SLIT1: variants seen among roughly 807,000 people sequenced by gnomAD.
SLIT1 encodes slit guidance ligand 1.
In SLIT1, 66 loss-of-function variants were observed where a neutral mutation model predicts 186.1. The observed-to-expected ratio is 0.35, with a 90% confidence interval of 0.29 to 0.44. SLIT1 has a LOEUF of 0.44. Ranked by LOEUF, SLIT1 falls within the 20% of genes least tolerant of loss-of-function variation. The pLI is 1.00. For missense variants in SLIT1, 1,638 were observed against 2,037.4 expected (o/e 0.80, Z 3.77); for synonymous variants, 761 against 833.8 (o/e 0.91, Z 1.50).
At chr10:97,149,885 C>T (rs1475633831) in intron 4 of SLIT1, among the ~76,000 whole-genome samples, 2 of 152,208 alleles carry the variant, frequency 1.3e-5, no homozygotes, top group Non-Finnish European at 2.9e-5. Context: ...ACGCAACATT[C>T]CACATCTGCC....
At chr10:97,137,646 A>G (rs957397525) in intron 4 of SLIT1, among the ~76,000 whole-genome samples, 6 of 151,392 alleles carry the variant, frequency 4.0e-5, no homozygotes, top group African/African-American at 1.5e-4. Context: ...GTTCAGGGAC[A>G]TAATCTCGGC....
At chr10:97,036,500 A>G (rs1319731643) in intron 22 of SLIT1, among the ~76,000 whole-genome samples, 1 of 152,246 alleles carries the variant, frequency 6.6e-6, no homozygotes, top group Non-Finnish European at 1.5e-5. Context: ...ACCAACCCAC[A>G]ATAAGAAACT....
chr10:97,138,712 C>A (rs2134700946), intron 4 of SLIT1, among the ~76,000 whole-genome samples: 1 of 152,072 alleles, frequency 6.6e-6, no homozygotes, highest in South Asian at 2.1e-4. Flanking sequence ...GTGTGGTGAC[C>A]AAATTTGAAT....
intron 4 of SLIT1, among the ~76,000 whole-genome samples, chr10:97,099,051 C>A (rs1258318219): frequency 6.6e-6 from 1 of 152,050 alleles, no homozygotes; most frequent in Non-Finnish European, 1.5e-5. Flanking sequence ...ACTTGCCCAG[C>A]CAAGCACCTG....
intron 4 of SLIT1, among the ~76,000 whole-genome samples, chr10:97,129,287 A>C (rs1849631768): frequency 6.6e-6 from 1 of 151,818 alleles, no homozygotes; most frequent in Non-Finnish European, 1.5e-5. Context: ...CTGTAATCCC[A>C]GCTACTTGGG....
chr10:97,124,528 G>A (rs1023437179), intron 4 of SLIT1, among the ~76,000 whole-genome samples: 2 of 152,208 alleles, frequency 1.3e-5, no homozygotes, highest in African/African-American at 4.8e-5. Flanking sequence ...TAACCACCTA[G>A]GAGCAAATGT....
At chr10:97,067,819 C>A (rs1270667797) in intron 4 of SLIT1, among the ~76,000 whole-genome samples, 2 of 152,208 alleles carry the variant, frequency 1.3e-5, no homozygotes, top group Admixed American at 6.5e-5. Flanking sequence ...CCCACCTCCT[C>A]CTCCTGGGCC....
intron 13 of SLIT1, among the ~76,000 whole-genome samples, chr10:97,055,223 C>CA (rs754220083): frequency 4.6e-5 from 7 of 151,946 alleles, no homozygotes; most frequent in Non-Finnish European, 8.8e-5. Flanking sequence ...GCTCAAAAAA[C>CA]AAAAAACAAT....
chr10:97,098,592 G>A (rs1849316132), intron 4 of SLIT1, among the ~76,000 whole-genome samples: 1 of 152,210 alleles, frequency 6.6e-6, no homozygotes, highest in Non-Finnish European at 1.5e-5. Context: ...TGCCTGGGCT[G>A]GGCAGGTGCC....
chr10:97,014,820 C>T (rs1848440707), intron 28 of SLIT1, among the ~76,000 whole-genome samples: 1 of 151,082 alleles, frequency 6.6e-6, no homozygotes, highest in Admixed American at 6.6e-5. Context: ...TAGCCAAGAT[C>T]ATGCCACTGC....
intron 21 of SLIT1, 58 bp from the exon 22 acceptor site, chr10:97,037,824 C>A: frequency 1.4e-6 from 2 of 1,440,082 alleles, no homozygotes; most frequent in Non-Finnish European, 1.9e-6. Flanking sequence ...GTGCCCCATG[C>A]TGGGGACAGC....
Position 97,002,282 on chromosome 10 carries a change from C to G in SLIT1, c.4242G>C (p.Gln1414His). 1 of 1,610,262 alleles carries G rather than the reference C, an allele frequency of 6.2e-7. No homozygotes were observed. Among genetic ancestry groups the G allele is most frequent in the Non-Finnish European group, 8.5e-7 (1 of 1,178,974 alleles). Residue 1414 changes from glutamine to histidine, a missense_variant, in exon 36 of 37, where the codon CAG (glutamine) becomes CAC (histidine). Physicochemically the swap from Gln to His is conservative, Grantham distance 24. Around this residue, in one of 3 missense-constraint regions of SLIT1, gnomAD observed 220 missense variants for 211.3 expected, o/e 1.04. Transcript: ENST00000266058. ...TGCAGGGCTCTGCCAGGGCCCCGGC[C>G]TGGTTGCACAGTGCCCCCGAGTACC... ...QDGYSGALCN[Q>H]AGALAEPCRG...
chr10:97,070,694 T>C (rs1010152762), intron 4 of SLIT1, among the ~76,000 whole-genome samples: 2 of 152,242 alleles, frequency 1.3e-5, no homozygotes, highest in Admixed American at 6.5e-5. Context: ...TAGAAGGCAC[T>C]GTCTATGAAG....
chr10:97,031,882 T>C (rs901274847), intron 23 of SLIT1, among the ~76,000 whole-genome samples: 1 of 152,246 alleles, frequency 6.6e-6, no homozygotes, highest in African/African-American at 2.4e-5. Context: ...CCCTTCTGCC[T>C]CAATCAGTTC....
intron 4 of SLIT1, among the ~76,000 whole-genome samples, chr10:97,138,971 C>G (rs1206701016): frequency 1.3e-5 from 2 of 152,242 alleles, no homozygotes; most frequent in Non-Finnish European, 2.9e-5. Context: ...CCAGTCAACA[C>G]TCTGCCTAAG....
At chr10:97,014,949 C>T (rs1848442422) in intron 28 of SLIT1, among the ~76,000 whole-genome samples, 1 of 151,862 alleles carries the variant, frequency 6.6e-6, no homozygotes, top group Non-Finnish European at 1.5e-5. Context: ...CAGTCCAATA[C>T]TTCAGGAGCA....
At chr10:97,015,951 G>A (rs1037400842) in intron 28 of SLIT1, among the ~76,000 whole-genome samples, 1 of 152,146 alleles carries the variant, frequency 6.6e-6, no homozygotes, top group African/African-American at 2.4e-5. Flanking sequence ...CTAGTTAGAG[G>A]AGAAAAAAGA....
chr10:97,168,319 G>GA, intron 1 of SLIT1, among the ~76,000 whole-genome samples: 1 of 151,928 alleles, frequency 6.6e-6, no homozygotes, highest in South Asian at 2.1e-4. Flanking sequence ...AAAAAATAAA[G>GA]AAAAAAATGA....
chr10:97,020,803 G>C (rs1033109254), intron 26 of SLIT1, among the ~76,000 whole-genome samples: 1 of 152,248 alleles, frequency 6.6e-6, no homozygotes, highest in Non-Finnish European at 1.5e-5. Context: ...GAGGGTCCCG[G>C]GGCAAAGCCG....
Sources: allele counts gnomAD v4.1 joint callset (sites outside exome capture counted in the v4.1 genomes callset), GRCh38; gene constraint gnomAD v4.1.1; regional missense constraint gnomAD v4.1.1; transcripts MANE v1.5; gene names NCBI Gene and HGNC (gene_info 2026-07-23, HGNC 2026-07-21).